ALDH1A2: variants seen among roughly 807,000 people sequenced by gnomAD.
The protein encoded by ALDH1A2 is aldehyde dehydrogenase 1 family member A2.
ALDH1A2 carries 27 observed loss-of-function variants against 60.3 expected under a neutral mutation model. That is an observed-to-expected ratio of 0.45 (90% CI 0.33 to 0.62). The LOEUF (loss-of-function observed/expected upper bound fraction) is 0.62. Ranked by LOEUF, ALDH1A2 falls within the 20% of genes least tolerant of loss-of-function variation. The pLI is 0.02. For synonymous variants in ALDH1A2, 289 were observed against 232.4 expected (o/e 1.24, Z -2.21); for missense variants, 581 against 643.8 (o/e 0.90, Z 1.06).
chr15:57,973,139 A>ATTGT (rs781397244), intron 7 of ALDH1A2, among the ~76,000 whole-genome samples: 5 of 152,208 alleles, frequency 3.3e-5, no homozygotes, highest in Admixed American at 2.0e-4. Flanking sequence ...TGATGAGATC[A>ATTGT]TTGTTTGTTA....
chr15:57,959,652 T>G (rs1893657449), intron 12 of ALDH1A2, among the ~76,000 whole-genome samples: 1 of 152,188 alleles, frequency 6.6e-6, no homozygotes, highest in African/African-American at 2.4e-5. Context: ...CTGAGGTAGG[T>G]AGTATAATTA....
At position 58,055,976 on chromosome 15, in the gene ALDH1A2, A is replaced by C. The variant is rs924580721; in HGVS notation, c.117+9558T>G. Reference sequence around the variant, plus strand: ...CCAAATCTATCAGCAGCACAGAGTGAATAATTCATCAATTTATCTTGACCC... The same window carrying C: ...CCAAATCTATCAGCAGCACAGAGTGCATAATTCATCAATTTATCTTGACCC... On this transcript the variant is annotated intron_variant, in intron 1 of 12. Coordinates refer to ENST00000249750, the MANE Select transcript of ALDH1A2 (RefSeq NM_003888.4). Among the ~76,000 whole-genome samples the C allele has an allele frequency of 3.3e-5, 5 of 152,076 alleles. No homozygotes were observed. The East Asian group carries it at 9.6e-4, about 29-fold the overall frequency.
intron 2 of ALDH1A2, 46 bp downstream of exon 2, chr15:58,014,131 G>T: frequency 6.2e-7 from 1 of 1,614,060 alleles, no homozygotes; most frequent in South Asian, 1.1e-5. Flanking sequence ...TCTGCTGTTT[G>T]AAGGCAGTTA....
chr15:58,052,405 T>G (rs1239547101), intron 1 of ALDH1A2, among the ~76,000 whole-genome samples: 1 of 152,160 alleles, frequency 6.6e-6, no homozygotes, highest in South Asian at 2.1e-4. Context: ...GATTAATTAA[T>G]AAGCATCTCA....
chr15:58,002,479 T>C (rs1406950185), intron 4 of ALDH1A2, among the ~76,000 whole-genome samples: 1 of 151,960 alleles, frequency 6.6e-6, no homozygotes, highest in Non-Finnish European at 1.5e-5. Flanking sequence ...ACTGATGGAA[T>C]TTTTAGTCTC....
At chr15:58,005,421 A>C (rs1895416223) in intron 4 of ALDH1A2, among the ~76,000 whole-genome samples, 1 of 152,010 alleles carries the variant, frequency 6.6e-6, no homozygotes, top group Non-Finnish European at 1.5e-5. Context: ...ACAGGAGCTG[A>C]AACATAGCAG....
At chr15:57,992,611 G>A in intron 7 of ALDH1A2, 94 bp downstream of exon 7, 3 of 1,144,120 alleles carry the variant, frequency 2.6e-6, no homozygotes. Context: ...TGCCCTTTTG[G>A]TGTCTAGCCT....
intron 1 of ALDH1A2, among the ~76,000 whole-genome samples, chr15:58,043,388 A>G (rs532367876): frequency 5.9e-5 from 9 of 152,140 alleles, no homozygotes; most frequent in Admixed American, 3.9e-4. Flanking sequence ...GTTAGTGGAT[A>G]TAGAACACAT....
intron 1 of ALDH1A2, among the ~76,000 whole-genome samples, chr15:58,037,732 C>T (rs1896412853): frequency 1.3e-5 from 2 of 151,732 alleles, no homozygotes; most frequent in South Asian, 4.2e-4. Flanking sequence ...GTGTGCAATT[C>T]CTTGGGTAGC....
At chr15:57,961,951 A>C (rs1893734348) in intron 10 of ALDH1A2, 61 bp downstream of exon 10, 2 of 1,598,370 alleles carry the variant, frequency 1.3e-6, no homozygotes, top group African/African-American at 2.7e-5. Context: ...CATCCACTAG[A>C]AATGCTCTAG....
chr15:58,048,122 G>C (rs1323767196), intron 1 of ALDH1A2, among the ~76,000 whole-genome samples: 1 of 151,932 alleles, frequency 6.6e-6, no homozygotes, highest in African/African-American at 2.4e-5. Context: ...GTCTTCACTA[G>C]AAAAGGCTGC....
chr15:58,012,516 C>T (rs74498165), intron 3 of ALDH1A2, among the ~76,000 whole-genome samples: 1 of 152,126 alleles, frequency 6.6e-6, no homozygotes, highest in Non-Finnish European at 1.5e-5. Context: ...ATTTAGTAGG[C>T]TTTTCCTGAG....
chr15:57,991,734 A>AT (rs770981747), intron 7 of ALDH1A2: 4 of 152,200 alleles, frequency 2.6e-5, no homozygotes, highest in Non-Finnish European at 5.9e-5. Context: ...AATTTCACGT[A>AT]TTTTTTAATG....
At chr15:57,994,668 A>G (rs1338976654) in intron 5 of ALDH1A2, among the ~76,000 whole-genome samples, 1 of 152,214 alleles carries the variant, frequency 6.6e-6, no homozygotes, top group African/African-American at 2.4e-5. Context: ...ATTCTTGAGA[A>G]AAGAAACAGT....
At chr15:57,967,655 G>C (rs1424251320) in intron 7 of ALDH1A2, among the ~76,000 whole-genome samples, 1 of 152,208 alleles carries the variant, frequency 6.6e-6, no homozygotes, top group East Asian at 1.9e-4. Context: ...GGGGGAAAAA[G>C]TGATGTCTCT....
chr15:57,974,557 C>T (rs189101053), intron 7 of ALDH1A2, among the ~76,000 whole-genome samples: 1 of 151,126 alleles, frequency 6.6e-6, no homozygotes, highest in Admixed American at 6.6e-5. Flanking sequence ...AGAAATGGTG[C>T]AGGAACTATT....
chr15:57,983,939 G>C lies in ALDH1A2; in HGVS notation c.798+8766C>G, dbSNP rs139798736. 2.1e-3 allele frequency among the ~76,000 whole-genome samples: 316 copies of C among 152,302 alleles called. 3 individuals are homozygous for C. Among genetic ancestry groups the C allele is most frequent in the African/African-American group, 7.4e-3 (308 of 41,568 alleles). On this transcript the variant is annotated intron_variant, in intron 7 of 12. Coordinates refer to ENST00000249750, the MANE Select transcript of ALDH1A2 (RefSeq NM_003888.4). The stretch of plus-strand genomic sequence containing the variant: ...TATTGTAACAAATGGAATTTAAAGA[G>C]GCTAAAGATGCAATTTTGAAGTGAA...
intron 1 of ALDH1A2, among the ~76,000 whole-genome samples, chr15:58,059,916 C>T (rs772342454): frequency 6.6e-6 from 1 of 151,938 alleles, no homozygotes; most frequent in Non-Finnish European, 1.5e-5. Flanking sequence ...TTTTATAAAA[C>T]TTTGTTGATC....
chr15:57,993,129 T>C, intron 5 of ALDH1A2, 56 bp from the exon 6 acceptor site: 1 of 1,598,036 alleles, frequency 6.3e-7, no homozygotes, highest in Admixed American at 1.7e-5. Flanking sequence ...CACTACTTTG[T>C]TTTCAAGCTG....
Sources: gnomAD v4.1 joint callset for allele counts (sites outside exome capture counted in the v4.1 genomes callset) on GRCh38, gnomAD v4.1.1 for gene constraint, MANE v1.5 for transcripts, NCBI Gene and HGNC (gene_info 2026-07-23, HGNC 2026-07-21) for gene names.